Variants in DNAH14 observed in about 807,000 individuals in gnomAD.
The protein encoded by DNAH14 is axonemal beta dynein heavy chain 14.
Under a neutral mutation model 520.9 loss-of-function variants are expected in DNAH14, and 478 were observed. That is an observed-to-expected ratio of 0.92 (90% CI 0.85 to 0.99). The LOEUF (loss-of-function observed/expected upper bound fraction) is 0.99. Ranked by LOEUF, DNAH14 falls within the 50% of genes least tolerant of loss-of-function variation. DNAH14 has a pLI of 0.00. For synonymous variants in DNAH14, 1,581 were observed against 1,757.2 expected, an observed-to-expected ratio of 0.90 and a Z score of 2.51; for missense variants, 4,831 against 5,234.5, an observed-to-expected ratio of 0.92 and a Z score of 2.38.
chr1:225,333,842 A>G (rs12036832), intron 66 of DNAH14, among the ~76,000 whole-genome samples: 19,852 of 152,166 alleles, frequency 0.13, 1,593 homozygotes, highest in South Asian at 0.26. Context: ...CACAGGGAGT[A>G]TTCTTAGACA....
chr1:224,946,709 A>G (rs2059857608), intron 1 of DNAH14, among the ~76,000 whole-genome samples: 1 of 152,096 alleles, frequency 6.6e-6, no homozygotes, highest in South Asian at 2.1e-4. Context: ...TAGATCAGAA[A>G]ATTGTTCAGT....
In DNAH14 at chr1:225,284,203, C is replaced by T. The variant is rs147891395; in HGVS notation, c.8272-5682C>T. Among the ~76,000 whole-genome samples, 186 of 151,834 alleles carry T rather than the reference C, an allele frequency of 1.2e-3. 1 individual carries two copies. In the East Asian group the frequency reaches 0.029, roughly 24 times the overall value. On this transcript the variant is annotated intron_variant, in intron 54 of 85. Coordinates refer to ENST00000682510, the MANE Select transcript of DNAH14 (RefSeq NM_001367479.1). ...AAACCAGTAGGGAATACCAATAAAA[C>T]CAAAAGTTGGTTCTTTGAAAAGATC...
intron 84 of DNAH14, among the ~76,000 whole-genome samples, chr1:225,393,366 G>A (rs1461329362): frequency 2.6e-5 from 4 of 152,214 alleles, no homozygotes; most frequent in Admixed American, 2.6e-4. Flanking sequence ...TGCTTACCTA[G>A]GCTAAATGGG....
chr1:225,204,141 T>C (rs1321267637), intron 38 of DNAH14, 42 bp from the exon 39 acceptor site: 6 of 1,050,366 alleles, frequency 5.7e-6, no homozygotes, highest in Non-Finnish European at 8.0e-6. Context: ...TTGAAAAGTG[T>C]TATTAAATAA....
At chr1:225,287,010 T>C (rs2093762150) in intron 54 of DNAH14, among the ~76,000 whole-genome samples, 2 of 152,208 alleles carry the variant, frequency 1.3e-5, no homozygotes, top group South Asian at 2.1e-4. Context: ...ATTCCACTTA[T>C]ATGACATTCT....
At chr1:225,251,407 CAA>C (rs1459421932) in intron 43 of DNAH14, among the ~76,000 whole-genome samples, 1 of 152,126 alleles carries the variant, frequency 6.6e-6, no homozygotes, top group East Asian at 1.9e-4. Context: ...CTCCTGACCT[CAA>C]GTGATCTGCC....
chr1:225,297,250 CA>C (rs2094029526), intron 55 of DNAH14, among the ~76,000 whole-genome samples: 1 of 152,090 alleles, frequency 6.6e-6, no homozygotes, highest in Non-Finnish European at 1.5e-5. Flanking sequence ...TTGAATTTCT[CA>C]TTCAAACCAT....
At chr1:224,960,706 C>A (rs1435074315) in intron 4 of DNAH14, among the ~76,000 whole-genome samples, 3 of 152,020 alleles carry the variant, frequency 2.0e-5, no homozygotes, top group African/African-American at 7.2e-5. Context: ...CCACTAACAT[C>A]TTCTAGTTTG....
At chr1:224,970,450 A>T (rs1464358487) in intron 7 of DNAH14, among the ~76,000 whole-genome samples, 2 of 151,944 alleles carry the variant, frequency 1.3e-5, no homozygotes, top group African/African-American at 4.8e-5. Flanking sequence ...TTACCTTGTG[A>T]AGCATGTGAT....
At chr1:225,031,382 A>G (rs528851386) in intron 11 of DNAH14, among the ~76,000 whole-genome samples, 2 of 152,148 alleles carry the variant, frequency 1.3e-5, no homozygotes, top group South Asian at 2.1e-4. Flanking sequence ...AGCCACGCCC[A>G]TTTGTTTACC....
intron 1 of DNAH14, among the ~76,000 whole-genome samples, chr1:224,933,004 G>A (rs1421237082): frequency 1.3e-5 from 2 of 151,956 alleles, no homozygotes; most frequent in Admixed American, 1.3e-4. Context: ...CATTGAATCT[G>A]TAAATTGCTT....
intron 17 of DNAH14, among the ~76,000 whole-genome samples, chr1:225,060,306 C>G (rs1161044866): frequency 6.6e-6 from 1 of 152,152 alleles, no homozygotes; most frequent in East Asian, 1.9e-4. Flanking sequence ...TTGATCGAAT[C>G]AACTACTGAG....
chr1:225,180,385 T>C (rs990076288), intron 36 of DNAH14, among the ~76,000 whole-genome samples: 1 of 152,164 alleles, frequency 6.6e-6, no homozygotes, highest in African/African-American at 2.4e-5. Flanking sequence ...GAGTAAATTA[T>C]AAAGAAAAGA....
At chr1:225,035,963 A>G (rs537187249) in intron 11 of DNAH14, among the ~76,000 whole-genome samples, 1 of 152,198 alleles carries the variant, frequency 6.6e-6, no homozygotes, top group African/African-American at 2.4e-5. Context: ...ATTGGGGTTT[A>G]TCTTTCCCTT....
In DNAH14 at chr1:225,286,435, A is replaced by G. The variant is rs557595504; in HGVS notation, c.8272-3450A>G. Among the ~76,000 whole-genome samples the G allele has an allele frequency of 3.3e-5, 5 of 152,324 alleles. No individual in the cohort carries two copies. In the East Asian group the frequency reaches 5.8e-4, roughly 18 times the overall value. ...ATAAATATGTACAATTATCACATCA[A>G]CTAAAAAATAAAAGGAAAAAATAAA... On this transcript the variant is annotated intron_variant, in intron 54 of 85. Coordinates refer to ENST00000682510, the MANE Select transcript of DNAH14 (RefSeq NM_001367479.1).
intron 73 of DNAH14, among the ~76,000 whole-genome samples, chr1:225,358,277 G>A (rs1184401158): frequency 6.6e-6 from 1 of 152,184 alleles, no homozygotes; most frequent in East Asian, 1.9e-4. Context: ...TAGAGGCACA[G>A]GTAGCGCTGG....
intron 8 of DNAH14, among the ~76,000 whole-genome samples, chr1:224,991,183 C>G (rs1024376283): frequency 6.8e-6 from 1 of 148,082 alleles, no homozygotes; most frequent in African/African-American, 2.5e-5. Context: ...CAACCTCTGC[C>G]TCTTGGGTTC....
chr1:224,935,866 G>A (rs980692576), intron 1 of DNAH14, among the ~76,000 whole-genome samples: 1 of 151,458 alleles, frequency 6.6e-6, no homozygotes, highest in Non-Finnish European at 1.5e-5. Context: ...ATCTTTTTTG[G>A]CCACATTGGA....
At chr1:225,394,835 CTCTG>C (rs1325555577) in intron 84 of DNAH14, among the ~76,000 whole-genome samples, 8 of 144,408 alleles carry the variant, frequency 5.5e-5, no homozygotes, top group Non-Finnish European at 1.1e-4. Context: ...CAGAGAGAGA[CTCTG>C]TCTAAAAAAA....
Sources: allele counts gnomAD v4.1 joint callset (sites outside exome capture counted in the v4.1 genomes callset), GRCh38; gene constraint gnomAD v4.1.1; transcripts MANE v1.5; gene names NCBI Gene and HGNC (gene_info 2026-07-23, HGNC 2026-07-21).